Variants in SRD5A3 observed in about 807,000 individuals in gnomAD.
SRD5A3 encodes the protein polyprenal reductase.
A neutral mutation model predicts 34.3 loss-of-function variants in SRD5A3; 24 were observed. That is an observed-to-expected ratio of 0.70 (90% CI 0.51 to 0.99). The LOEUF (loss-of-function observed/expected upper bound fraction) is 0.99, where lower values mean the gene tolerates loss of function less well. Among genes scored for constraint, SRD5A3 ranks in the 50% least tolerant of loss-of-function variants. SRD5A3 has a pLI of 0.00. For missense variants in SRD5A3, 350 were observed against 388.2 expected (o/e 0.90, Z 0.83); for synonymous variants, 161 against 167.3 (o/e 0.96, Z 0.29).
At chr4:55,354,457 C>A (rs1719351961) in intron 1 of SRD5A3, among the ~76,000 whole-genome samples, 2 of 152,174 alleles carry the variant, frequency 1.3e-5, no homozygotes, top group African/African-American at 4.8e-5. Context: ...AGAGTAGCTT[C>A]TAACTCACAG....
chr4:55,348,994 T>C (rs1463133289), intron 1 of SRD5A3, among the ~76,000 whole-genome samples: 1 of 152,240 alleles, frequency 6.6e-6, no homozygotes, highest in East Asian at 1.9e-4. Flanking sequence ...ACCTTGATAC[T>C]TATATGTGAA....
In SRD5A3 at chr4:55,352,911, C is replaced by T. The variant is rs748169227; in HGVS notation, c.221+6354C>T. ...TGATCATGAGCAAGACTGAAGTGGG[C>T]GTGAGTGACAACATAGAAGGATGGA... On this transcript the variant is annotated intron_variant, in intron 1 of 4. Transcript: ENST00000264228. Among the ~76,000 whole-genome samples the T allele has an allele frequency of 3.9e-5, 6 of 152,178 alleles. No homozygotes were observed. The East Asian group carries it at 7.7e-4, about 20-fold the overall frequency.
At chr4:55,353,231 C>A (rs1169461783) in intron 1 of SRD5A3, among the ~76,000 whole-genome samples, 4 of 152,130 alleles carry the variant, frequency 2.6e-5, no homozygotes, top group African/African-American at 7.2e-5. Flanking sequence ...ACTTTTCTGT[C>A]TAGCTAAAGG....
intron 1 of SRD5A3, among the ~76,000 whole-genome samples, chr4:55,347,678 A>G (rs144922819): frequency 3.3e-5 from 5 of 152,290 alleles, no homozygotes; most frequent in African/African-American, 1.2e-4. Context: ...GTCGCTTGAA[A>G]CACTCATAGG....
chr4:55,359,850 T>G (rs1465972328), intron 2 of SRD5A3, among the ~76,000 whole-genome samples: 1 of 152,238 alleles, frequency 6.6e-6, no homozygotes, highest in African/African-American at 2.4e-5. Flanking sequence ...CAGGTTTGTC[T>G]GGAAACATTT....
rs1043039835 is a variant in SRD5A3 at position 55,372,383 on chromosome 4, C to G, written c.*2292C>G. On this transcript the variant is annotated 3_prime_UTR_variant, in exon 5 of 5. Coordinates refer to ENST00000264228, the MANE Select transcript of SRD5A3 (RefSeq NM_024592.5). ...TTCCCACCCCTGTTTCCTGCTGTCT[C>G]TCTCCCACTCATCCCTGTTTCTTAC... is the stretch of plus-strand genomic sequence containing the variant. The G allele has an allele frequency of 6.6e-6, 1 of 152,188 alleles. No individual in the cohort carries two copies. Among genetic ancestry groups the G allele is most frequent in the Non-Finnish European group, 1.5e-5 (1 of 68,038 alleles). 9.4% of individuals were successfully genotyped at this position (152,188 alleles called of 1,614,324 possible).
At position 55,372,372 on chromosome 4, in the gene SRD5A3, T is replaced by G. The variant is rs1462008528; in HGVS notation, c.*2281T>G. On this transcript the variant is annotated 3_prime_UTR_variant, in exon 5 of 5. Transcript: ENST00000264228. ...CAGTGTCCAGTTTCCCACCCCTGTTTCCTGCTGTCTCTCTCCCACTCATCC... is the reference window on the plus strand; with the variant it reads ...CAGTGTCCAGTTTCCCACCCCTGTTGCCTGCTGTCTCTCTCCCACTCATCC... The G allele has an allele frequency of 6.6e-6, 1 of 152,220 alleles. No homozygotes were observed. Among genetic ancestry groups the G allele is most frequent in the Non-Finnish European group, 1.5e-5 (1 of 68,036 alleles). The allele number at this position is 152,220 out of a possible 1,614,324, so 9.4% of individuals were successfully genotyped here.
At chr4:55,352,259 T>C in intron 1 of SRD5A3, 1 of 899,014 alleles carries the variant, frequency 1.1e-6, no homozygotes, top group Non-Finnish European at 1.9e-6. Flanking sequence ...AGGTAGGGTG[T>C]TGGGGAATTT....
At chr4:55,351,827 T>C in intron 1 of SRD5A3, 1 of 530,286 alleles carries the variant, frequency 1.9e-6, no homozygotes, top group South Asian at 1.5e-5. Flanking sequence ...ATCAAGGGGC[T>C]CCATAATCAT....
In SRD5A3 at chr4:55,359,506, T is replaced by A. The variant is rs920010100; in HGVS notation, c.364+18T>A. On this transcript the variant is annotated intron_variant, in intron 2 of 4. Coordinates refer to ENST00000264228, the MANE Select transcript of SRD5A3 (RefSeq NM_024592.5). Reference sequence around the variant, plus strand: ...GTTCCAGGGTAAGGACTCCCTGGGCTTATGACAACGCTGCATCCCGTTTCT... The same window carrying A: ...GTTCCAGGGTAAGGACTCCCTGGGCATATGACAACGCTGCATCCCGTTTCT... 1.2e-6 allele frequency: 2 copies of A among 1,613,806 alleles called. No individual in the cohort carries two copies. The highest frequency in any genetic ancestry group is 1.7e-5 in the Admixed American group (1 of 59,966).
chr4:55,361,029 T>C (rs908893303), intron 2 of SRD5A3, among the ~76,000 whole-genome samples: 2 of 152,132 alleles, frequency 1.3e-5, no homozygotes, highest in African/African-American at 2.4e-5. Context: ...GTGAAAACTA[T>C]GAAATGTCCT....
At position 55,372,555 on chromosome 4, in the gene SRD5A3, T is replaced by C. The variant is rs2109492696; in HGVS notation, c.*2464T>C. 1 of 152,352 alleles carries C rather than the reference T, an allele frequency of 6.6e-6. No individual in the cohort carries two copies. The highest frequency in any genetic ancestry group is 1.9e-4 in the East Asian group (1 of 5,186). The allele number at this position is 152,352 out of a possible 1,614,324, so 9.4% of individuals were successfully genotyped here. A position where few individuals can be genotyped will look rare whatever the true frequency, so the allele number is the denominator to read the frequency against. On this transcript the variant is annotated 3_prime_UTR_variant, in exon 5 of 5. Transcript: ENST00000264228. ...TGGGAAATAATTGAGAATTGTGCAG[T>C]GCTTGCAGCGTCAGAATCAGCACTG... is the stretch of plus-strand genomic sequence containing the variant.
At position 55,371,774 on chromosome 4, in the gene SRD5A3, C is replaced by T. The variant is rs1270541852; in HGVS notation, c.*1683C>T. The T allele has an allele frequency of 6.6e-6, 1 of 152,266 alleles. No homozygotes were observed. The highest frequency in any genetic ancestry group is 2.4e-5 in the African/African-American group (1 of 41,440). 9.4% of individuals were successfully genotyped at this position (152,266 alleles called of 1,614,324 possible). ...TTCCAGCGATTCTCCTCTGCCTCAG[C>T]CTCCCAAGTAGCTGGGATTACAGGC... On this transcript the variant is annotated 3_prime_UTR_variant, in exon 5 of 5. Transcript: ENST00000264228.
intron 4 of SRD5A3, among the ~76,000 whole-genome samples, chr4:55,368,939 A>G (rs112434043): frequency 6.6e-6 from 1 of 151,944 alleles, no homozygotes; most frequent in Admixed American, 6.6e-5. Context: ...GGGTTTCACC[A>G]TGTTGGCCAG....
intron 1 of SRD5A3, chr4:55,351,860 T>C: frequency 1.7e-6 from 1 of 591,520 alleles, no homozygotes; most frequent in South Asian, 1.4e-5. Context: ...CAATGTTGTA[T>C]CTATGGTTAG....
chr4:55,359,609 T>C, intron 2 of SRD5A3, 121 bp downstream of exon 2: 3 of 1,363,672 alleles, frequency 2.2e-6, no homozygotes, highest in Non-Finnish European at 3.0e-6. Context: ...GCCTGGGAAG[T>C]GGAGGATGAG....
chr4:55,367,517 CT>C (rs1719946876), intron 3 of SRD5A3, 70 bp from the exon 4 acceptor site: 3 of 1,564,266 alleles, frequency 1.9e-6, no homozygotes, highest in African/African-American at 2.7e-5. Context: ...TTTCTGCTGA[CT>C]AAATGATTTG....
intron 2 of SRD5A3, among the ~76,000 whole-genome samples, chr4:55,363,591 G>C (rs1578209586): frequency 6.6e-6 from 1 of 152,186 alleles, no homozygotes; most frequent in Non-Finnish European, 1.5e-5. Context: ...CTTGGGCTCA[G>C]CATGCCTCTA....
chr4:55,361,529 C>A (rs1719686074), intron 2 of SRD5A3, among the ~76,000 whole-genome samples: 1 of 150,166 alleles, frequency 6.7e-6, no homozygotes, highest in African/African-American at 2.5e-5. Context: ...GAACAGTGGG[C>A]AGTGACTCAT....
Sources: gnomAD v4.1 joint callset for allele counts (sites outside exome capture counted in the v4.1 genomes callset) on GRCh38, gnomAD v4.1.1 for gene constraint, MANE v1.5 for transcripts, NCBI Gene and HGNC (gene_info 2026-07-23, HGNC 2026-07-21) for gene names.